Variants in TECTA observed in about 807,000 individuals in gnomAD.
TECTA encodes tectorin alpha, also known as alpha-tectorin.
TECTA carries 128 observed loss-of-function variants against 216.8 expected under a neutral mutation model. The ratio of observed to expected loss-of-function variants is 0.59; its 90% confidence interval spans 0.51 to 0.68. The LOEUF is 0.68. Among genes scored for constraint, TECTA ranks in the 30% least tolerant of loss-of-function variants. TECTA has a pLI of 0.00. For missense variants in TECTA, 2,551 were observed against 2,786.2 expected (o/e 0.92, Z 1.90); for synonymous variants, 1,089 against 1,117.1 (o/e 0.97, Z 0.50).
intron 6 of TECTA, among the ~76,000 whole-genome samples, chr11:121,117,412 T>G (rs1946511308): frequency 6.6e-6 from 1 of 152,204 alleles, no homozygotes; most frequent in East Asian, 1.9e-4. Context: ...CAGACGTGTT[T>G]CTATTTCAAT....
chr11:121,133,353 A>T (rs1946693778), intron 10 of TECTA, among the ~76,000 whole-genome samples: 1 of 152,162 alleles, frequency 6.6e-6, no homozygotes, highest in Admixed American at 6.5e-5. Flanking sequence ...TAACCACAGT[A>T]CAGTTTTCAA....
rs184540811 is a variant in TECTA, at chr11:121,147,043, T to C, written c.4105+927T>C. ...TGCTGGACTATGTAGTGGGGTAATTTACCTGCCTTTAGCACATAAGAATAG... is the reference window on the plus strand; with the variant it reads ...TGCTGGACTATGTAGTGGGGTAATTCACCTGCCTTTAGCACATAAGAATAG... On this transcript the variant is annotated intron_variant, in intron 12 of 23. Coordinates refer to ENST00000392793, the MANE Select transcript of TECTA (RefSeq NM_005422.4). 2.0e-5 allele frequency among the ~76,000 whole-genome samples: 3 copies of C among 152,274 alleles called. No individual in the cohort carries two copies. The East Asian group carries it at 5.8e-4, about 29-fold the overall frequency.
At chr11:121,118,166 T>A in intron 6 of TECTA, 140 bp from the exon 7 acceptor site, 5 of 1,073,634 alleles carry the variant, frequency 4.7e-6, no homozygotes, top group Non-Finnish European at 6.8e-6. Context: ...TCCTCATTTG[T>A]CAAATGAGGG....
chr11:121,136,608 C>T (rs1042545032), intron 10 of TECTA, among the ~76,000 whole-genome samples: 1 of 152,000 alleles, frequency 6.6e-6, no homozygotes, highest in African/African-American at 2.4e-5. Flanking sequence ...GATTATTAAC[C>T]CTCAAAACAA....
intron 6 of TECTA, among the ~76,000 whole-genome samples, chr11:121,114,646 C>T (rs1591438403): frequency 7.6e-6 from 1 of 130,998 alleles, no homozygotes; most frequent in Non-Finnish European, 1.7e-5. Context: ...TCCACCCACC[C>T]ATCCATCCAC....
intron 3 of TECTA, 138 bp downstream of exon 3, chr11:121,106,102 TTCA>T (rs1946388126): frequency 7.6e-7 from 1 of 1,320,324 alleles, no homozygotes; most frequent in Admixed American, 1.7e-5. Flanking sequence ...GTTCTGAGAT[TTCA>T]TGAGCTGATA....
chr11:121,175,039 C>T (rs1422363730), intron 20 of TECTA, among the ~76,000 whole-genome samples: 1 of 151,938 alleles, frequency 6.6e-6, no homozygotes, highest in African/African-American at 2.4e-5. Context: ...GTGGTGATAT[C>T]CCCTTTATCA....
Position 121,162,093 on chromosome 11 carries a change from C to T in TECTA, c.4995C>T (p.Cys1665=). 6.2e-7 allele frequency: 1 copy of T among 1,614,136 alleles called. No homozygotes were observed. Among genetic ancestry groups the T allele is most frequent in the Non-Finnish European group, 8.5e-7 (1 of 1,180,048 alleles). The stretch of plus-strand genomic sequence containing the variant: ...TGACCAGACCTCTTGCCCCCAGCTG[C>T]AACGAGCTGCAGTTCTCACAGTATG... The part of the protein sequence containing the change: ...GMQKRPLAPS[C]NELQFSQYAA... The change falls in exon 16 of 24, where the codon TGC becomes TGT. Residue 1665 remains cysteine (C), a synonymous_variant. Transcript: ENST00000392793.
intron 10 of TECTA, among the ~76,000 whole-genome samples, chr11:121,135,819 A>C (rs2135093234): frequency 6.6e-6 from 1 of 152,356 alleles, no homozygotes; most frequent in Admixed American, 6.5e-5. Flanking sequence ...TTTAGATCGC[A>C]CAGACTTGTA....
chr11:121,162,013 A>G (rs1947004537), intron 15 of TECTA, 62 bp from the exon 16 acceptor site: 11 of 1,608,028 alleles, frequency 6.8e-6, no homozygotes, highest in Non-Finnish European at 8.5e-6. Context: ...ACAGGTACAG[A>G]TGCAATTTAC....
At chr11:121,165,897 G>C (rs1947048748) in intron 17 of TECTA, among the ~76,000 whole-genome samples, 1 of 152,170 alleles carries the variant, frequency 6.6e-6, no homozygotes, top group African/African-American at 2.4e-5. Flanking sequence ...AGGCAGAACT[G>C]CTTTGCCTTC....
intron 4 of TECTA, chr11:121,109,749 C>A (rs989404323): frequency 1.6e-5 from 8 of 507,608 alleles, no homozygotes; most frequent in Non-Finnish European, 2.5e-5. Context: ...AAAAAAAAAC[C>A]CTCAAAAACT....
intron 23 of TECTA, 49 bp from the exon 24 acceptor site, chr11:121,190,657 C>G (rs754448755): frequency 2.9e-6 from 4 of 1,372,558 alleles, no homozygotes; most frequent in Admixed American, 1.7e-5. Context: ...CCCTATCAAA[C>G]AGGTATTTTT....
chr11:121,109,373 A>G lies in TECTA; in HGVS notation c.361A>G (p.Ile121Val). 1 of 1,614,192 alleles carries G rather than the reference A, an allele frequency of 6.2e-7. No individual in the cohort carries two copies. The highest frequency in any genetic ancestry group is 8.5e-7 in the Non-Finnish European group (1 of 1,180,028). ...IYYRETMEPA[I>V]LKRATKDIRK... Reference sequence around the variant, plus strand: ...TTACAGAGAGACCATGGAGCCTGCCATCTTGAAAAGAGCCACCAAGGACAT... The same window carrying G: ...TTACAGAGAGACCATGGAGCCTGCCGTCTTGAAAAGAGCCACCAAGGACAT... Residue 121 changes from isoleucine to valine, a missense_variant, in exon 4 of 24, where the codon ATC (isoleucine) becomes GTC (valine). Physicochemically the swap from Ile to Val is conservative, Grantham distance 29. Coordinates refer to ENST00000392793, the MANE Select transcript of TECTA (RefSeq NM_005422.4).
intron 11 of TECTA, among the ~76,000 whole-genome samples, chr11:121,142,284 C>T (rs945135996): frequency 4.6e-5 from 7 of 152,198 alleles, no homozygotes; most frequent in Non-Finnish European, 1.0e-4. Context: ...CTGCGACTTC[C>T]TCCTCCATCC....
At position 121,101,374 on chromosome 11, in the gene TECTA, A is replaced by G. The variant is rs1565514280; in HGVS notation, c.-70A>G. 1 of 152,176 alleles carries G rather than the reference A, an allele frequency of 6.6e-6. No homozygotes were observed. The highest frequency in any genetic ancestry group is 1.9e-4 in the East Asian group (1 of 5,204). The allele number at this position is 152,176 out of a possible 1,614,324, so 9.4% of individuals were successfully genotyped here. ...ACTGACATGAATTCTTGTTTTACCT[A>G]ATTTTTTCTGGCTTACCAAGATTTG... On this transcript the variant is annotated 5_prime_UTR_variant, in exon 1 of 24. An upstream open reading frame in the 5' UTR loses its in-frame stop. Transcript: ENST00000392793.
intron 11 of TECTA, among the ~76,000 whole-genome samples, chr11:121,138,573 G>A (rs1164065493): frequency 6.6e-6 from 1 of 152,168 alleles, no homozygotes; most frequent in African/African-American, 2.4e-5. Flanking sequence ...CACGCATTTG[G>A]AGGACTCGGG....
At position 121,137,889 on chromosome 11, in the gene TECTA, C is replaced by A; in HGVS notation, c.3410C>A (p.Ser1137Tyr). The A allele has an allele frequency of 6.2e-7, 1 of 1,602,662 alleles. No individual in the cohort carries two copies. Among genetic ancestry groups the A allele is most frequent in the Non-Finnish European group, 8.5e-7 (1 of 1,170,964 alleles). ...CTTGSRPSSD[S>Y]FPKFVVTAKN... ...ACAGGAAGCAGGCCAAGCTCAGACTCTTTCCCCAAGTTTGTTGTCACAGCC... is the reference window on the plus strand; with the variant it reads ...ACAGGAAGCAGGCCAAGCTCAGACTATTTCCCCAAGTTTGTTGTCACAGCC... The change falls in exon 11 of 24, where the codon TCT becomes TAT. Residue 1137 changes from serine (S) to tyrosine (Y), a missense_variant. Physicochemically the swap from Ser to Tyr is moderately radical, Grantham distance 144. Transcript: ENST00000392793.
At position 121,152,036 on chromosome 11, in the gene TECTA, T is replaced by C. The variant is rs959203117; in HGVS notation, c.4106-845T>C. On this transcript the variant is annotated intron_variant, in intron 12 of 23. Coordinates refer to ENST00000392793, the MANE Select transcript of TECTA (RefSeq NM_005422.4). ...TCAGCCATGAAGTGAATGCTATTGG[T>C]ATCTGTATTTATAGATAAGAAAGCT... Among the ~76,000 whole-genome samples, 8 of 152,368 alleles carry C rather than the reference T, an allele frequency of 5.3e-5. No homozygotes were observed. In the East Asian group the frequency reaches 1.5e-3, roughly 29 times the overall value.
Sources: gnomAD v4.1 joint callset for allele counts (sites outside exome capture counted in the v4.1 genomes callset) on GRCh38, gnomAD v4.1.1 for gene constraint, MANE v1.5 for transcripts, NCBI Gene and HGNC (gene_info 2026-07-23, HGNC 2026-07-21) for gene names.